The following PLA2G5 variants were observed in gnomAD, a reference collection of about 807,000 sequenced individuals.
The protein encoded by PLA2G5 is Ca2+-dependent phospholipase A2.
PLA2G5 carries 12 observed loss-of-function variants against 15.9 expected under a neutral mutation model. The ratio of observed to expected loss-of-function variants is 0.76; its 90% CI spans 0.48 to 1.23. The LOEUF is 1.23. Ranked by LOEUF, PLA2G5 falls within the 50% of genes most tolerant of loss-of-function variation. The pLI, the probability that PLA2G5 is intolerant of heterozygous loss-of-function variation, is 0.00. For missense variants in PLA2G5, 169 were observed against 177.1 expected (o/e 0.95, Z 0.26); for synonymous variants, 71 against 71.4 (o/e 0.99, Z 0.03).
chr1:20,076,741 C>T (rs562403828), intron 1 of PLA2G5: 2 of 152,370 alleles, frequency 1.3e-5, no homozygotes, highest in African/African-American at 2.4e-5. Flanking sequence ...AGCCATCAGC[C>T]TTGTAATCCC....
intron 1 of PLA2G5, among the ~76,000 whole-genome samples, chr1:20,077,478 C>G (rs2015751191): frequency 1.3e-5 from 2 of 152,022 alleles, no homozygotes. Context: ...CAAACTCTTA[C>G]TGAGCACCTA....
In PLA2G5 at chr1:20,036,722, A is replaced by G. The variant is rs189394526; in HGVS notation, n.276+8013A>G. ...CTCTTGTTGCCCAGGCTGGAGTTCAATGGCATGATCTCGACTCACTGCAAC... is the reference window on the plus strand; with the variant it reads ...CTCTTGTTGCCCAGGCTGGAGTTCAGTGGCATGATCTCGACTCACTGCAAC... On this transcript the variant is annotated intron_variant and non_coding_transcript_variant, in intron 1 of 6. Coordinates refer to the PLA2G5 transcript ENST00000460175. Among the ~76,000 whole-genome samples, 353 of 152,152 alleles carry G rather than the reference A, an allele frequency of 2.3e-3. 1 individual carries two copies. The highest frequency in any genetic ancestry group is 8.3e-3 in the African/African-American group (344 of 41,520).
At chr1:20,055,213 C>T (rs546503539) in intron 1 of PLA2G5, among the ~76,000 whole-genome samples, 268 of 152,260 alleles carry the variant, frequency 1.8e-3, no homozygotes, top group African/African-American at 6.1e-3. Flanking sequence ...CACACAGTCA[C>T]AGAATATTGT....
chr1:20,087,377 C>T (rs1301827148), intron 3 of PLA2G5, among the ~76,000 whole-genome samples: 23 of 152,074 alleles, frequency 1.5e-4, no homozygotes, highest in Admixed American at 1.5e-3. Context: ...ACAGTATTTT[C>T]ATATAACCTG....
At chr1:20,045,973 T>G (rs1225122116) in intron 1 of PLA2G5, 1 of 152,102 alleles carries the variant, frequency 6.6e-6, no homozygotes, top group Non-Finnish European at 1.5e-5. Flanking sequence ...TTTTTTTGAG[T>G]TTTACTTGCT....
intron 1 of PLA2G5, among the ~76,000 whole-genome samples, chr1:20,038,763 T>C (rs1031399699): frequency 1.3e-5 from 2 of 152,030 alleles, no homozygotes; most frequent in Admixed American, 6.6e-5. Context: ...GGGTGACAGA[T>C]TGAGACCCTG....
chr1:20,072,862 CCCTGTCTTAACAGACAGA>C (rs755092405), intron 1 of PLA2G5, among the ~76,000 whole-genome samples: 2 of 152,034 alleles, frequency 1.3e-5, no homozygotes, highest in Non-Finnish European at 2.9e-5. Flanking sequence ...TTCCCACATC[CCCTGTCTTAACAGACAGA>C]CACTGGGTTA....
intron 1 of PLA2G5, among the ~76,000 whole-genome samples, chr1:20,033,834 G>A (rs963717249): frequency 2.6e-5 from 4 of 152,018 alleles, no homozygotes; most frequent in Non-Finnish European, 5.9e-5. Flanking sequence ...GGGGTTCTAG[G>A]ATGGGCCTTA....
intron 1 of PLA2G5, among the ~76,000 whole-genome samples, chr1:20,056,954 T>A (rs1487986005): frequency 6.6e-6 from 1 of 152,216 alleles, no homozygotes; most frequent in African/African-American, 2.4e-5. Context: ...TAATTGGATC[T>A]TTCAAGGAAT....
At chr1:20,031,044 G>T (rs818677) in intron 1 of PLA2G5, among the ~76,000 whole-genome samples, 23,796 of 152,118 alleles carry the variant, frequency 0.16, 2,230 homozygotes, top group East Asian at 0.38. Context: ...CCCTGTGAAG[G>T]CTTGTTGGTC....
chr1:20,028,989 CGT>C (rs1472439582), intron 1 of PLA2G5, among the ~76,000 whole-genome samples: 1 of 152,154 alleles, frequency 6.6e-6, no homozygotes, highest in Non-Finnish European at 1.5e-5. Context: ...CCCCAGTGGG[CGT>C]GTGTTAGTGT....
intron 1 of PLA2G5, among the ~76,000 whole-genome samples, chr1:20,047,279 A>C (rs893698953): frequency 8.5e-5 from 13 of 152,126 alleles, no homozygotes; most frequent in Non-Finnish European, 1.5e-5. Context: ...CACACTGTGG[A>C]GTCCTGCCCA....
At chr1:20,043,843 A>G (rs1459517634) in intron 1 of PLA2G5, among the ~76,000 whole-genome samples, 1 of 152,170 alleles carries the variant, frequency 6.6e-6, no homozygotes, top group Non-Finnish European at 1.5e-5. Context: ...TAGCCCCCAT[A>G]TCAATTAAGC....
At chr1:20,043,430 T>G (rs1408873227) in intron 1 of PLA2G5, among the ~76,000 whole-genome samples, 1 of 152,148 alleles carries the variant, frequency 6.6e-6, no homozygotes, top group Non-Finnish European at 1.5e-5. Flanking sequence ...GATGGAATAT[T>G]GGCATTGAGT....
intron 1 of PLA2G5, among the ~76,000 whole-genome samples, chr1:20,043,400 C>A (rs2013724238): frequency 6.6e-6 from 1 of 152,096 alleles, no homozygotes; most frequent in Non-Finnish European, 1.5e-5. Context: ...AGGATTTAAT[C>A]CTTTTAAAGC....
chr1:20,064,074 C>T (rs1569738310), intron 2 of PLA2G5, among the ~76,000 whole-genome samples: 1 of 152,134 alleles, frequency 6.6e-6, no homozygotes, highest in East Asian at 1.9e-4. Context: ...ATGGACCTTT[C>T]GCTGAGTTTC....
Position 20,073,000 on chromosome 1 carries a change from T to C in PLA2G5, c.-11+2535T>C, listed in dbSNP as rs2015465716. 3.9e-5 allele frequency among the ~76,000 whole-genome samples: 6 copies of C among 152,212 alleles called. No homozygotes were observed. The South Asian group carries it at 1.2e-3, about 32-fold the overall frequency. On this transcript the variant is annotated intron_variant, in intron 1 of 4. Coordinates refer to ENST00000375108, the MANE Select transcript of PLA2G5 (RefSeq NM_000929.3). ...CTCAAGAAAGATTTGCTGGGTTGGA[T>C]TGGGATTGAGGCAGGTGGAGCGGCC...
upstream of PLA2G5, among the ~76,000 whole-genome samples, chr1:20,066,966 A>G (rs1271367151): frequency 6.6e-6 from 1 of 151,470 alleles, no homozygotes; most frequent in African/African-American, 2.4e-5. Context: ...TTATCACACC[A>G]CTGCATTCCA....
chr1:20,044,497 G>A (rs755925104), intron 1 of PLA2G5, among the ~76,000 whole-genome samples: 31 of 152,262 alleles, frequency 2.0e-4, no homozygotes, highest in Middle Eastern at 3.4e-3. Context: ...GCTGTAAAGC[G>A]TCTAAGGGTT....
Sources: gnomAD v4.1 joint callset for allele counts (sites outside exome capture counted in the v4.1 genomes callset) on GRCh38, gnomAD v4.1.1 for gene constraint, MANE v1.5 for transcripts, NCBI Gene and HGNC (gene_info 2026-07-23, HGNC 2026-07-21) for gene names.